Variants in ZCCHC14 observed in about 807,000 individuals in gnomAD.
ZCCHC14 encodes zinc finger CCHC domain-containing protein 14.
In ZCCHC14, 16 loss-of-function variants were observed where a neutral mutation model predicts 85.0. That is an observed-to-expected ratio of 0.19 (90% CI 0.13 to 0.29). The LOEUF is 0.29. Ranked by LOEUF, ZCCHC14 falls within the 10% of genes least tolerant of loss-of-function variation. ZCCHC14 has a pLI of 1.00. For missense variants in ZCCHC14, 1,303 were observed against 1,443.5 expected, an observed-to-expected ratio of 0.90 and a Z score of 1.58; for synonymous variants, 775 against 630.7, an observed-to-expected ratio of 1.23 and a Z score of -3.43.
chr16:87,412,172 G>T lies in ZCCHC14; in HGVS notation c.2549C>A (p.Pro850His), dbSNP rs778276475. The part of the protein sequence containing the change: ...NSNTASPSSH[P>H]STSFANMATL... ...GGCCATGTTGGCAAAGGACGTGGAG[G>T]GGTGGCTGCTGGGAGAGGCAGTGTT... Residue 850 changes from proline to histidine, a missense_variant, in exon 12 of 13, where the codon CCC becomes CAC. Around this residue, in one of 7 missense-constraint regions of ZCCHC14, gnomAD observed 797 missense variants for 730.8 expected, o/e 1.09. Transcript: ENST00000671377. 3.1e-6 allele frequency: 5 copies of T among 1,613,956 alleles called. No homozygotes were observed. The highest frequency in any genetic ancestry group is 4.2e-6 in the Non-Finnish European group (5 of 1,180,044).
At chr16:87,456,419 G>A (rs1910964224) in intron 2 of ZCCHC14, among the ~76,000 whole-genome samples, 1 of 151,504 alleles carries the variant, frequency 6.6e-6, no homozygotes, top group African/African-American at 2.4e-5. Context: ...AGCCCCAGCA[G>A]CTACTCCGGA....
At position 87,417,739 on chromosome 16, in the gene ZCCHC14, A is replaced by G; in HGVS notation, c.1104T>C (p.Pro368=). 6.3e-7 allele frequency: 1 copy of G among 1,588,078 alleles called. No individual in the cohort carries two copies. Among genetic ancestry groups the G allele is most frequent in the Non-Finnish European group, 8.6e-7 (1 of 1,168,618 alleles). ...ACGGGATACCAGCCACTCCACACAC[A>G]GGCCTGTGGGACAGGGGCAGGAGGG... The part of the protein sequence containing the change: ...VGTVMGVSGR[P]VCGVAGIPSS... Residue 368 remains proline, a synonymous_variant, in exon 8 of 13, where the codon CCT becomes CCC. Coordinates refer to ENST00000671377, the MANE Select transcript of ZCCHC14 (RefSeq NM_015144.3).
rs748274039 is a variant in ZCCHC14, at chr16:87,420,708, C to G, written c.849G>C (p.Gln283His). Residue 283 changes from glutamine (Q) to histidine (H), a missense_variant, in exon 5 of 13, where the codon CAG (glutamine) becomes CAC (histidine). Gln to His is a conservative substitution (Grantham distance 24, BLOSUM62 0). Transcript: ENST00000671377. The surrounding 1 kb of genome is among the most constrained non-coding windows in gnomAD (Gnocchi z 5.0). Reference sequence around the variant, plus strand: ...TCTCCAAGTTCTCTTCAGGATAGAGCTGACATAGCTGGAAGAGAGGACAAG... The same window carrying G: ...TCTCCAAGTTCTCTTCAGGATAGAGGTGACATAGCTGGAAGAGAGGACAAG... Reference protein sequence around the residue: ...EVTEFISKLCQLYPEENLEKL... With the variant: ...EVTEFISKLCHLYPEENLEKL... 5.0e-6 allele frequency: 8 copies of G among 1,611,884 alleles called. No individual in the cohort carries two copies. The highest frequency in any genetic ancestry group is 4.4e-5 in the South Asian group (4 of 90,538).
chr16:87,490,244 A>AC (rs547699811), intron 1 of ZCCHC14, among the ~76,000 whole-genome samples: 168 of 152,386 alleles, frequency 1.1e-3, no homozygotes, highest in African/African-American at 3.8e-3. Context: ...CAGCTTTAAA[A>AC]ACACACACAT....
chr16:87,465,098 C>A (rs1313716824), intron 1 of ZCCHC14, among the ~76,000 whole-genome samples: 1 of 152,272 alleles, frequency 6.6e-6, no homozygotes, highest in African/African-American at 2.4e-5. Context: ...GCACAGCAGT[C>A]ACATCTGCCT....
chr16:87,491,593 G>A lies in ZCCHC14; in HGVS notation c.570+76C>T. 3.1e-6 allele frequency: 4 copies of A among 1,296,056 alleles called. No homozygotes were observed. Among genetic ancestry groups the A allele is most frequent in the Non-Finnish European group, 4.0e-6 (4 of 1,012,436 alleles). 80.3% of individuals were successfully genotyped at this position (1,296,056 alleles called of 1,614,324 possible). ...GAGGCGTGGGTCGGGGGGTCGCGGT[G>A]CAGGCTGGAGGCTTGGAGTGCAGAG... On this transcript the variant is annotated intron_variant, in intron 1 of 12. Coordinates refer to ENST00000671377, the MANE Select transcript of ZCCHC14 (RefSeq NM_015144.3). This position sits in a 1 kb window ranked among gnomAD's most constrained non-coding sequence, Gnocchi z 5.9.
At chr16:87,436,361 G>T (rs1028591084) in intron 2 of ZCCHC14, among the ~76,000 whole-genome samples, 2 of 152,266 alleles carry the variant, frequency 1.3e-5, no homozygotes, top group African/African-American at 4.8e-5. Context: ...GCGACGCAGC[G>T]AGGCTCCCTC....
At chr16:87,444,180 A>G (rs1451367003) in intron 2 of ZCCHC14, among the ~76,000 whole-genome samples, 1 of 152,272 alleles carries the variant, frequency 6.6e-6, no homozygotes, top group East Asian at 1.9e-4. Flanking sequence ...GGCTTCTAAA[A>G]CCCATTTCCC....
In ZCCHC14 at chr16:87,420,526, T is replaced by C. The variant is rs1048441570; in HGVS notation, c.950+81A>G. The C allele has an allele frequency of 4.2e-6, 5 of 1,195,924 alleles. No individual in the cohort carries two copies. The highest frequency in any genetic ancestry group is 2.6e-4 in the Middle Eastern group (1 of 3,890). 74.1% of individuals were successfully genotyped at this position (1,195,924 alleles called of 1,614,324 possible). On this transcript the variant is annotated intron_variant, in intron 5 of 12. Transcript: ENST00000671377. The surrounding 1 kb of genome is among the most constrained non-coding windows in gnomAD (Gnocchi z 5.0). ...TGACCGCGCATCCTCCCAGAGCTCC[T>C]TGGAGGACCACAGCATTGACCACAG...
rs779899912 is a variant in ZCCHC14, at chr16:87,411,951, C to T, written c.2770G>A (p.Val924Met). 2 of 1,606,168 alleles carry T rather than the reference C, an allele frequency of 1.2e-6. No homozygotes were observed. Among genetic ancestry groups the T allele is most frequent in the South Asian group, 1.1e-5 (1 of 90,366 alleles). Residue 924 changes from valine to methionine, a missense_variant, in exon 12 of 13, where the codon GTG becomes ATG. Physicochemically the swap from Val to Met is conservative, Grantham distance 21 (BLOSUM62 1). Transcript: ENST00000671377. ...CCGCTGCAGCCACAGGACGTGCACA[C>T]AATGCAGCCTGGCGGGGGTGGGGCG... is the stretch of plus-strand genomic sequence containing the variant. ...QPAPPPPGCI[V>M]CTSCGCSGSC...
chr16:87,415,210 C>A, intron 9 of ZCCHC14, 66 bp downstream of exon 9: 2 of 1,455,988 alleles, frequency 1.4e-6, no homozygotes, highest in South Asian at 1.1e-5. Context: ...CTGGAAGCCT[C>A]AGCACTCCAT....
intron 1 of ZCCHC14, among the ~76,000 whole-genome samples, chr16:87,462,912 T>C (rs1911341209): frequency 6.8e-6 from 1 of 146,908 alleles, no homozygotes. Context: ...CTACTAAAAA[T>C]ACGAAATTAG....
chr16:87,422,567 TAA>T (rs79859649), intron 4 of ZCCHC14, among the ~76,000 whole-genome samples: 4 of 137,064 alleles, frequency 2.9e-5, no homozygotes, highest in Admixed American at 7.3e-5. Context: ...TACTAAAAAT[TAA>T]AAAAAAAAAA....
chr16:87,459,971 C>T (rs147238446), intron 2 of ZCCHC14, 37 bp downstream of exon 2: 123 of 1,613,374 alleles, frequency 7.6e-5, no homozygotes, highest in Middle Eastern at 3.3e-4. Context: ...ATCCTCCGTC[C>T]GTCAGACGTC....
intron 1 of ZCCHC14, among the ~76,000 whole-genome samples, chr16:87,489,318 G>A (rs1186606069): frequency 1.3e-5 from 2 of 152,278 alleles, no homozygotes; most frequent in East Asian, 3.9e-4. Flanking sequence ...GAATCTTCCA[G>A]TTTTCCAAAG....
At chr16:87,421,298 A>G (rs1909082920) in intron 4 of ZCCHC14, among the ~76,000 whole-genome samples, 1 of 152,188 alleles carries the variant, frequency 6.6e-6, no homozygotes, top group Non-Finnish European at 1.5e-5. Context: ...TGCAGGAGGG[A>G]CAAAAATTGC....
At chr16:87,434,104 G>C (rs1043218972) in intron 2 of ZCCHC14, among the ~76,000 whole-genome samples, 1 of 152,198 alleles carries the variant, frequency 6.6e-6, no homozygotes, top group South Asian at 2.1e-4. Context: ...AGGGATGAGC[G>C]GCCTCACCAG....
chr16:87,419,816 T>C lies in ZCCHC14; in HGVS notation c.1012A>G (p.Thr338Ala). The part of the protein sequence containing the change: ...KNDHVRRFLS[T>A]SSPPQQLQSP... The stretch of plus-strand genomic sequence containing the variant: ...TGAAGCTGCTGTGGGGGAGAGGAAG[T>C]GCTGAGAAACCTCCTGACATGGTCA... Residue 338 changes from threonine to alanine, a missense_variant, in exon 6 of 13, where the codon ACT becomes GCT. Coordinates refer to ENST00000671377, the MANE Select transcript of ZCCHC14 (RefSeq NM_015144.3). 2 of 1,611,776 alleles carry C rather than the reference T, an allele frequency of 1.2e-6. No homozygotes were observed. Among genetic ancestry groups the C allele is most frequent in the Non-Finnish European group, 8.5e-7 (1 of 1,179,072 alleles).
Sources: allele counts gnomAD v4.1 joint callset (sites outside exome capture counted in the v4.1 genomes callset), GRCh38; gene constraint gnomAD v4.1.1; regional missense constraint gnomAD v4.1.1; non-coding constraint Gnocchi (gnomAD v3.1); transcripts MANE v1.5; gene names NCBI Gene and HGNC (gene_info 2026-07-23, HGNC 2026-07-21).